SLC23A3: variants seen among roughly 807,000 people sequenced by gnomAD.
SLC23A3 encodes E2-binding protein 3.
Under a neutral mutation model 64.7 loss-of-function variants are expected in SLC23A3, and 41 were observed. That is an observed-to-expected ratio of 0.63 (90% CI 0.49 to 0.82). The LOEUF is 0.82. Ranked by LOEUF, SLC23A3 falls within the 40% of genes least tolerant of loss-of-function variation. SLC23A3 has a pLI of 0.00. For synonymous variants in SLC23A3, 281 were observed against 306.8 expected (o/e 0.92, Z 0.88); for missense variants, 647 against 733.4 (o/e 0.88, Z 1.36).
intron 8 of SLC23A3, chr2:219,164,670 C>T (rs1008248830): frequency 3.1e-5 from 8 of 257,848 alleles, no homozygotes; most frequent in Non-Finnish European, 5.9e-5. Flanking sequence ...AGCGATTCTC[C>T]TGCCTCAGCC....
In SLC23A3 at chr2:219,164,350, A is replaced by G; in HGVS notation, c.1168-12T>C. On this transcript the variant is annotated splice_polypyrimidine_tract_variant and intron_variant, in intron 8 of 11. Transcript: ENST00000409878. ...TGCTGAGATCCAGCCTGCATGAAGAAAAGACACTGGAAAACACAGCCACTT... is the reference window on the plus strand; with the variant it reads ...TGCTGAGATCCAGCCTGCATGAAGAGAAGACACTGGAAAACACAGCCACTT... 1.3e-6 allele frequency: 2 copies of G among 1,561,582 alleles called. No individual in the cohort carries two copies. The highest frequency in any genetic ancestry group is 1.7e-6 in the Non-Finnish European group (2 of 1,147,612).
chr2:219,163,431 C>T lies in SLC23A3; in HGVS notation c.1398G>A (p.Leu466=). 2 of 1,614,198 alleles carry T rather than the reference C, an allele frequency of 1.2e-6. No individual in the cohort carries two copies. Among genetic ancestry groups the T allele is most frequent in the Non-Finnish European group, 1.7e-6 (2 of 1,180,044 alleles). The change falls in exon 10 of 12, where the codon CTG becomes CTA. Residue 466 remains leucine, a synonymous_variant. Coordinates refer to ENST00000409878, the MANE Select transcript of SLC23A3 (RefSeq NM_001144889.2). ...GGGCTTCCCGAAACCATCTTGGCAGCAGCAAGGCCATGAAGATGGAGAAGC... is the reference window on the plus strand; with the variant it reads ...GGGCTTCCCGAAACCATCTTGGCAGTAGCAAGGCCATGAAGATGGAGAAGC... The part of the protein sequence containing the change: ...IVGFSIFMAL[L]LPRWFREAPV...
At chr2:219,162,276 G>T (rs762417731) in intron 11 of SLC23A3, 23 bp downstream of exon 11, 1 of 1,613,762 alleles carries the variant, frequency 6.2e-7, no homozygotes, top group Admixed American at 1.7e-5. Flanking sequence ...TCCCCAGTCT[G>T]CTAGGGCCTA....
chr2:219,168,404 G>A (rs1950025534), intron 5 of SLC23A3, 86 bp from the exon 6 acceptor site: 1 of 1,429,154 alleles, frequency 7.0e-7, no homozygotes, highest in Non-Finnish European at 9.3e-7. Context: ...AATATCATAA[G>A]AGCGGGGGGT....
At position 219,162,112 on chromosome 2, in the gene SLC23A3, C is replaced by T; in HGVS notation, c.1630G>A (p.Ala544Thr). Residue 544 changes from alanine to threonine, a missense_variant, in exon 12 of 12, where the codon GCT (alanine) becomes ACT (threonine). Physicochemically the swap from Ala to Thr is moderately conservative, Grantham distance 58. Transcript: ENST00000409878. ...RMPQKPREKA[A>T]QVYRLPFPIQ... Reference sequence around the variant, plus strand: ...GGGAAAGGAAGTCTGTACACTTGAGCAGCCTTCTCCCTGGGCTTCTGAGGC... The same window carrying T: ...GGGAAAGGAAGTCTGTACACTTGAGTAGCCTTCTCCCTGGGCTTCTGAGGC... 6.2e-7 allele frequency: 1 copy of T among 1,614,176 alleles called. No homozygotes were observed. Among genetic ancestry groups the T allele is most frequent in the East Asian group, 2.2e-5 (1 of 44,882 alleles).
At chr2:219,167,498 A>G (rs1950014673) in intron 7 of SLC23A3, among the ~76,000 whole-genome samples, 1 of 148,568 alleles carries the variant, frequency 6.7e-6, no homozygotes, top group Non-Finnish European at 1.5e-5. Flanking sequence ...ACAGTGGCTC[A>G]TGCCTGTAAT....
rs563083318 is a variant in SLC23A3 at position 219,162,431 on chromosome 2, G to A, written c.1442-37C>T. 40 of 1,508,370 alleles carry A rather than the reference G, an allele frequency of 2.7e-5. 1 individual carries two copies. Among genetic ancestry groups the A allele is most frequent in the Middle Eastern group, 3.5e-4 (2 of 5,676 alleles). 93.4% of individuals were successfully genotyped at this position (1,508,370 alleles called of 1,614,324 possible). On this transcript the variant is annotated intron_variant, in intron 10 of 11. Coordinates refer to ENST00000409878, the MANE Select transcript of SLC23A3 (RefSeq NM_001144889.2). ...TGGGGCCAGGCAGGAAGGGAACTCT[G>A]ATCCTATATCCAAGCCCAGGAGTCT...
In SLC23A3 at chr2:219,169,548, G is replaced by C; in HGVS notation, c.293C>G (p.Thr98Ser). ...ASSFFSCGMS[T>S]ILQTWMGSRL... ...GCTGCCCATCCAAGTTTGCAGGATG[G>C]TAGACATACCACATGAAAAGAAGCT... The change falls in exon 2 of 12, where the codon ACC becomes AGC. Residue 98 changes from threonine to serine, a missense_variant. Coordinates refer to ENST00000409878, the MANE Select transcript of SLC23A3 (RefSeq NM_001144889.2). The surrounding 1 kb of genome is among the most constrained non-coding windows in gnomAD (Gnocchi z 4.5). 6.2e-7 allele frequency: 1 copy of C among 1,614,152 alleles called. No individual in the cohort carries two copies. The highest frequency in any genetic ancestry group is 8.5e-7 in the Non-Finnish European group (1 of 1,180,032).
intron 8 of SLC23A3, 41 bp downstream of exon 8, chr2:219,165,128 C>G: frequency 6.5e-7 from 1 of 1,545,340 alleles, no homozygotes; most frequent in South Asian, 1.2e-5. Flanking sequence ...TTCTTCCCCT[C>G]TAGCTCCATC....
chr2:219,165,198 G>A lies in SLC23A3; in HGVS notation c.1138C>T (p.Pro380Ser). 6.4e-7 allele frequency: 1 copy of A among 1,551,840 alleles called. No homozygotes were observed. The highest frequency in any genetic ancestry group is 8.7e-7 in the Non-Finnish European group (1 of 1,147,062). ...ATAAGACCCACTTTGCCCACGTTGG[G>A]GAAGCTGGATGCAGTGCCCATGGGG... ...GSPMGTASSF[P>S]NVGKVGLIQA... Residue 380 changes from proline to serine, a missense_variant, in exon 8 of 12, where the codon CCC becomes TCC. Physicochemically the swap from Pro to Ser is moderately conservative, Grantham distance 74. Transcript: ENST00000409878.
At chr2:219,168,598 T>TC (rs1341121203) in intron 5 of SLC23A3, 54 bp downstream of exon 5, 13 of 1,549,136 alleles carry the variant, frequency 8.4e-6, no homozygotes, top group Admixed American at 1.9e-5. Flanking sequence ...CCTCCCCTAG[T>TC]CCCCCCATAC....
chr2:219,164,633 C>T (rs1042138596), intron 8 of SLC23A3: 48 of 293,590 alleles, frequency 1.6e-4, no homozygotes, highest in African/African-American at 1.0e-3. Flanking sequence ...GGTCTCGGCT[C>T]ACAGCAACCT....
rs1462575512 is a variant in SLC23A3 at position 219,168,740 on chromosome 2, C to T, written c.586G>A (p.Val196Met). Residue 196 changes from valine to methionine, a missense_variant, in exon 5 of 12, where the codon GTG becomes ATG. Transcript: ENST00000409878. The stretch of plus-strand genomic sequence containing the variant: ...GCCACAACCAGGCTGGGAGCCAGCA[C>T]CAGGGGCCCACAGTGGGGGAACACG... ...GHVFPHCGPL[V>M]LAPSLVVAGL... The T allele has an allele frequency of 6.2e-6, 10 of 1,613,326 alleles. No individual in the cohort carries two copies. The highest frequency in any genetic ancestry group is 8.5e-6 in the Non-Finnish European group (10 of 1,179,662).
Position 219,169,376 on chromosome 2 carries a change from C to T in SLC23A3, c.351G>A (p.Glu117=), listed in dbSNP as rs1477431773. 2 of 1,614,232 alleles carry T rather than the reference C, an allele frequency of 1.2e-6. No individual in the cohort carries two copies. Among genetic ancestry groups the T allele is most frequent in the Non-Finnish European group, 8.5e-7 (1 of 1,180,042 alleles). The change falls in exon 3 of 12, where the codon GAG becomes GAA. Residue 117 remains glutamate, a synonymous_variant. Transcript: ENST00000409878. The surrounding 1 kb of genome is among the most constrained non-coding windows in gnomAD (Gnocchi z 4.5). ...TCAGCACCAGAGCAGGGATAAGGAA[C>T]TCTAAGGATGGAGCCTGGACAAGAG... ...RLPLVQAPSL[E]FLIPALVLTS...
Position 219,161,944 on chromosome 2 carries a change from C to T in SLC23A3, c.1798G>A (p.Glu600Lys). The change falls in exon 12 of 12, where the codon GAA becomes AAA. Residue 600 changes from glutamate to lysine, a missense_variant. Transcript: ENST00000409878. ...GACCTAAACCCTTCTCTGCTAGATT[C>T]AGGGCATGGCTCCCCTGAGCCAGGC... ...LLPGSGEPCP[E>K]SSREGFRSQK 6.3e-7 allele frequency: 1 copy of T among 1,597,620 alleles called. No homozygotes were observed. The highest frequency in any genetic ancestry group is 8.5e-7 in the Non-Finnish European group (1 of 1,171,304).
chr2:219,166,157 C>G lies in SLC23A3; in HGVS notation c.914-735G>C, dbSNP rs930380779. On this transcript the variant is annotated intron_variant, in intron 7 of 11. Coordinates refer to ENST00000409878, the MANE Select transcript of SLC23A3 (RefSeq NM_001144889.2). ...CAAAAAAAAAAAAAAAATTTACTGA[C>G]CTCCCTGATAAATTCAAATTCCCTA... Among the ~76,000 whole-genome samples the G allele has an allele frequency of 9.2e-5, 14 of 152,118 alleles. 1 individual carries two copies. The highest frequency in any genetic ancestry group is 3.3e-4 in the Admixed American group (5 of 15,280).
At chr2:219,165,525 T>C in intron 7 of SLC23A3, 103 bp from the exon 8 acceptor site, 1 of 1,334,168 alleles carries the variant, frequency 7.5e-7, no homozygotes. Flanking sequence ...TCAATGTCTT[T>C]GAAGACAATG....
Position 219,169,081 on chromosome 2 carries a change from C to G in SLC23A3, c.440G>C (p.Cys147Ser). The change falls in exon 4 of 12, where the codon TGT (cysteine) becomes TCT (serine). Residue 147 changes from cysteine to serine, a missense_variant. Transcript: ENST00000409878. This position sits in a 1 kb window ranked among gnomAD's most constrained non-coding sequence, Gnocchi z 4.5. ...CAGGCCATGGCAGCTAGGTCCCCTA[C>G]AAAGGTGCAGCATGAGGGAGGCTAG... is the stretch of plus-strand genomic sequence containing the variant. The part of the protein sequence containing the change: ...PGNSSLMLHL[C>S]RGPSCHGLGH... 6.2e-7 allele frequency: 1 copy of G among 1,614,128 alleles called. No homozygotes were observed. Among genetic ancestry groups the G allele is most frequent in the African/African-American group, 1.3e-5 (1 of 75,014 alleles).
intron 10 of SLC23A3, 63 bp downstream of exon 10, chr2:219,163,325 G>C (rs201647946): frequency 9.1e-6 from 14 of 1,541,224 alleles, no homozygotes; most frequent in Non-Finnish European, 1.1e-5. Context: ...CCAGGAGTCC[G>C]GGCAGCCTGA....
Sources: gnomAD v4.1 joint callset for allele counts (sites outside exome capture counted in the v4.1 genomes callset) on GRCh38, gnomAD v4.1.1 for gene constraint, Gnocchi (gnomAD v3.1) non-coding constraint, MANE v1.5 for transcripts, NCBI Gene and HGNC (gene_info 2026-07-23, HGNC 2026-07-21) for gene names.